Variants in GLIPR1L1 observed in about 807,000 individuals in gnomAD.
GLIPR1L1 encodes GLIPR1-like protein 1.
GLIPR1L1 carries 26 observed loss-of-function variants against 29.9 expected under a neutral mutation model. The observed-to-expected ratio is 0.87, with a 90% CI of 0.64 to 1.21. GLIPR1L1 has a LOEUF of 1.21. Ranked by LOEUF, GLIPR1L1 falls within the 50% of genes most tolerant of loss-of-function variation. GLIPR1L1 has a pLI of 0.00. For missense variants in GLIPR1L1, 305 were observed against 290.3 expected (o/e 1.05, Z -0.37); for synonymous variants, 77 against 97.5 (o/e 0.79, Z 1.24).
At chr12:75,349,277 T>C (rs539774996) in intron 3 of GLIPR1L1, among the ~76,000 whole-genome samples, 13 of 152,176 alleles carry the variant, frequency 8.5e-5, no homozygotes, top group Non-Finnish European at 1.5e-4. Flanking sequence ...ATCAAAATGT[T>C]CCCATGTAAT....
chr12:75,344,739 T>C (rs2042338633), intron 2 of GLIPR1L1, among the ~76,000 whole-genome samples: 1 of 152,180 alleles, frequency 6.6e-6, no homozygotes, highest in Non-Finnish European at 1.5e-5. Context: ...ACTATAAATA[T>C]TCTTGAGCTG....
At chr12:75,334,950 G>C in intron 1 of GLIPR1L1, 48 bp downstream of exon 1, 1 of 1,522,098 alleles carries the variant, frequency 6.6e-7, no homozygotes, top group African/African-American at 1.4e-5. Flanking sequence ...CTCATCCTGA[G>C]GTATCTGGGT....
At chr12:75,340,885 G>T (rs112509906) in intron 1 of GLIPR1L1, among the ~76,000 whole-genome samples, 1,631 of 151,862 alleles carry the variant, frequency 0.011, 20 homozygotes, top group African/African-American at 0.032. Flanking sequence ...GACATATCAC[G>T]ACACACCAAT....
intron 3 of GLIPR1L1, chr12:75,360,200 G>A (rs902729909): frequency 6.6e-6 from 1 of 152,052 alleles, no homozygotes; most frequent in African/African-American, 2.4e-5. Context: ...TGGGGACACA[G>A]AGCCAAACCC....
chr12:75,338,118 AC>A (rs1387509653), intron 1 of GLIPR1L1, among the ~76,000 whole-genome samples: 1 of 152,154 alleles, frequency 6.6e-6, no homozygotes, highest in African/African-American at 2.4e-5. Context: ...TTATGAGTCA[AC>A]TTTTACCCTG....
At chr12:75,367,268 G>GAAA (rs35250320) in intron 4 of GLIPR1L1, among the ~76,000 whole-genome samples, 60 of 88,692 alleles carry the variant, frequency 6.8e-4, no homozygotes, top group East Asian at 1.0e-3. Context: ...TTCCTAGGAG[G>GAAA]AAAAAAAAAA....
At chr12:75,363,860 C>A (rs2043785051) in intron 4 of GLIPR1L1, among the ~76,000 whole-genome samples, 1 of 152,074 alleles carries the variant, frequency 6.6e-6, no homozygotes, top group Non-Finnish European at 1.5e-5. Flanking sequence ...AGACATCAAT[C>A]AATACATGCA....
rs534716963 is a variant in GLIPR1L1 at position 75,341,151 on chromosome 12, C to T, written c.175-2542C>T. On this transcript the variant is annotated intron_variant, in intron 1 of 5. Coordinates refer to ENST00000378695, the MANE Select transcript of GLIPR1L1 (RefSeq NM_001304964.2). ...AAGGAAAACATTGCTACATAAAAAC[C>T]TGCTCACAAATATTTATGGATACTC... 1.6e-4 allele frequency among the ~76,000 whole-genome samples: 24 copies of T among 152,160 alleles called. No homozygotes were observed. The South Asian group carries it at 5.0e-3, about 32-fold the overall frequency.
At chr12:75,344,732 A>G (rs532222823) in intron 2 of GLIPR1L1, among the ~76,000 whole-genome samples, 56 of 152,250 alleles carry the variant, frequency 3.7e-4, no homozygotes, top group African/African-American at 1.3e-3. Context: ...TCTGTATACT[A>G]TAAATATTCT....
intron 1 of GLIPR1L1, among the ~76,000 whole-genome samples, chr12:75,336,324 G>C (rs759714916): frequency 2.0e-5 from 3 of 151,438 alleles, no homozygotes; most frequent in Non-Finnish European, 4.4e-5. Flanking sequence ...AATAGCAAAT[G>C]GTAGACTAAA....
At chr12:75,352,603 A>C (rs2042888279) in intron 3 of GLIPR1L1, among the ~76,000 whole-genome samples, 2 of 152,350 alleles carry the variant, frequency 1.3e-5, no homozygotes, top group South Asian at 4.1e-4. Context: ...CAGAGACAGA[A>C]TATTAACAAA....
intron 1 of GLIPR1L1, among the ~76,000 whole-genome samples, chr12:75,338,237 A>T (rs11837787): frequency 3.3e-4 from 51 of 152,286 alleles, no homozygotes; most frequent in African/African-American, 1.1e-3. Flanking sequence ...ACATATAAAG[A>T]ATATTATATC....
chr12:75,360,695 G>A (rs2043519951), intron 3 of GLIPR1L1: 1 of 152,212 alleles, frequency 6.6e-6, no homozygotes, highest in Non-Finnish European at 1.5e-5. Flanking sequence ...ACCATTCTGA[G>A]GTCTGGAGAA....
intron 1 of GLIPR1L1, among the ~76,000 whole-genome samples, chr12:75,339,618 T>C (rs985421149): frequency 3.9e-5 from 6 of 152,314 alleles, no homozygotes; most frequent in South Asian, 2.1e-4. Context: ...ATTTTTGTTT[T>C]TGTTGCAATT....
rs562711399 is a variant in GLIPR1L1 at position 75,351,796 on chromosome 12, C to G, written c.521+4074C>G. On this transcript the variant is annotated intron_variant, in intron 3 of 5. Coordinates refer to ENST00000378695, the MANE Select transcript of GLIPR1L1 (RefSeq NM_001304964.2). The stretch of plus-strand genomic sequence containing the variant: ...TCCTGACCTCAGGTGATCCACCCTC[C>G]TTGGCCTCCCAAAGTGCTGGGATTA... 7.2e-5 allele frequency among the ~76,000 whole-genome samples: 11 copies of G among 152,296 alleles called. No homozygotes were observed. In the East Asian group the frequency reaches 1.9e-3, roughly 27 times the overall value.
intron 4 of GLIPR1L1, among the ~76,000 whole-genome samples, chr12:75,364,153 A>T (rs748301531): frequency 1.1e-4 from 17 of 152,172 alleles, no homozygotes; most frequent in Non-Finnish European, 1.6e-4. Context: ...TAGACTTAAG[A>T]TCTGTATTGG....
Position 75,362,465 on chromosome 12 carries a change from G to A in GLIPR1L1, c.522-637G>A, listed in dbSNP as rs534707640. ...CATTCATAGCAACCCTATTGGTAGT[G>A]ACCAAAAACTTGACCAACCCAAATG... is the stretch of plus-strand genomic sequence containing the variant. On this transcript the variant is annotated intron_variant, in intron 3 of 5. Coordinates refer to ENST00000378695, the MANE Select transcript of GLIPR1L1 (RefSeq NM_001304964.2). 7.9e-5 allele frequency among the ~76,000 whole-genome samples: 12 copies of A among 152,178 alleles called. No homozygotes were observed. In the East Asian group the frequency reaches 2.1e-3, roughly 27 times the overall value.
chr12:75,353,004 A>G (rs1160836559), intron 3 of GLIPR1L1, among the ~76,000 whole-genome samples: 5 of 152,182 alleles, frequency 3.3e-5, no homozygotes. Flanking sequence ...CAGTATTAAG[A>G]GGGAAATTTA....
chr12:75,352,420 T>C (rs2042877825), intron 3 of GLIPR1L1, among the ~76,000 whole-genome samples: 1 of 152,196 alleles, frequency 6.6e-6, no homozygotes. Context: ...CATTACATAA[T>C]GGTAAAGTAA....
Sources: allele counts gnomAD v4.1 joint callset (sites outside exome capture counted in the v4.1 genomes callset), GRCh38; gene constraint gnomAD v4.1.1; transcripts MANE v1.5; gene names NCBI Gene and HGNC (gene_info 2026-07-23, HGNC 2026-07-21).